MAP3K9: variants seen among roughly 807,000 people sequenced by gnomAD.
The protein encoded by MAP3K9 is mixed lineage kinase 1 (tyr and ser/thr specificity).
Under a neutral mutation model 95.8 loss-of-function variants are expected in MAP3K9, and 46 were observed. The observed-to-expected ratio is 0.48, with a 90% confidence interval of 0.38 to 0.61. The LOEUF (loss-of-function observed/expected upper bound fraction) is 0.61, where lower values mean the gene tolerates loss of function less well. MAP3K9 is among the 20% of genes least tolerant of loss of function. The pLI, the probability that MAP3K9 is intolerant of heterozygous loss-of-function variation, is 0.00. For synonymous variants in MAP3K9, 533 were observed against 593.8 expected, an observed-to-expected ratio of 0.90 and a Z score of 1.49; for missense variants, 1,296 against 1,474.3, an observed-to-expected ratio of 0.88 and a Z score of 1.98.
At chr14:70,738,142 GCAAT>G in intron 8 of MAP3K9, 99 bp downstream of exon 8, 1 of 1,214,428 alleles carries the variant, frequency 8.2e-7, no homozygotes, top group Non-Finnish European at 1.1e-6. Context: ...TTCTCAGAAA[GCAAT>G]CAAACACACG....
rs192363421 is a variant in MAP3K9 at position 70,751,154 on chromosome 14, T to C, written c.1002-1073A>G. 3.2e-3 allele frequency among the ~76,000 whole-genome samples: 488 copies of C among 152,328 alleles called. 6 individuals carry two copies. Among genetic ancestry groups the C allele is most frequent in the South Asian group, 3.9e-3 (19 of 4,824 alleles). The stretch of plus-strand genomic sequence containing the variant: ...AGAACTTCAGTGTGCCCTCCCTATC[T>C]TTCAAGTCCACATAAAGAATTTCTT... On this transcript the variant is annotated intron_variant, in intron 3 of 11. Transcript: ENST00000554752.
intron 3 of MAP3K9, among the ~76,000 whole-genome samples, chr14:70,757,565 A>G (rs1254555389): frequency 6.6e-6 from 1 of 152,230 alleles, no homozygotes; most frequent in Non-Finnish European, 1.5e-5. Context: ...AATTACCCTA[A>G]GATTCATTAA....
intron 11 of MAP3K9, among the ~76,000 whole-genome samples, chr14:70,732,200 C>A (rs540914840): frequency 6.6e-6 from 1 of 152,198 alleles, no homozygotes; most frequent in South Asian, 2.1e-4. Flanking sequence ...CAGGGAATAA[C>A]TAGAAGCTAG....
At chr14:70,765,735 T>TAAAAAAAAAAAAAACAAAAAAAAAAAA (rs1566749862) in intron 2 of MAP3K9, among the ~76,000 whole-genome samples, 1 of 122,340 alleles carries the variant, frequency 8.2e-6, no homozygotes, top group Non-Finnish European at 1.7e-5. Flanking sequence ...CAACAACAGC[T>TAAAAAAAAAAAAAACAAAAAAAAAAAA]AAAAAAAAAA....
chr14:70,730,330 C>T lies in MAP3K9; in HGVS notation c.*50G>A, dbSNP rs756456203. On this transcript the variant is annotated 3_prime_UTR_variant, in exon 12 of 12. Transcript: ENST00000554752. ...TGAGAAAGGGCTGTGCCCGCCAGCT[C>T]CCCTCATCTCCGCTGGCTGTCCCCC... 40 of 1,564,308 alleles carry T rather than the reference C, an allele frequency of 2.6e-5. No homozygotes were observed. Among genetic ancestry groups the T allele is most frequent in the South Asian group, 1.2e-4 (10 of 83,590 alleles).
At chr14:70,731,374 A>C (rs1460824042) in intron 11 of MAP3K9, among the ~76,000 whole-genome samples, 2 of 152,142 alleles carry the variant, frequency 1.3e-5, no homozygotes, top group East Asian at 3.9e-4. Flanking sequence ...ACTTGAGCCC[A>C]GGAGGTTGAG....
rs763794847 is a variant in MAP3K9, at chr14:70,808,825, G to C, written c.347C>G (p.Ala116Gly). 4 of 1,596,724 alleles carry C rather than the reference G, an allele frequency of 2.5e-6. No homozygotes were observed. In the African/African-American group the frequency reaches 5.4e-5, roughly 22 times the overall value. The change falls in exon 1 of 12, where the codon GCC (alanine) becomes GGC (glycine). Residue 116 changes from alanine (A) to glycine (G), a missense_variant. Around this residue, in one of 5 missense-constraint regions of MAP3K9, gnomAD observed 338 missense variants for 363.4 expected, o/e 0.93. Transcript: ENST00000554752. Reference protein sequence around the residue: ...FPSNYVTPRSAFSSRCQPGGE... With the variant: ...FPSNYVTPRSGFSSRCQPGGE... ...GCCGGGCTGGCAGCGGCTGGAGAAG[G>C]CGCTGCGCGGGGTCACGTAGTTGCT...
intron 2 of MAP3K9, among the ~76,000 whole-genome samples, chr14:70,786,287 T>C (rs2054743706): frequency 6.6e-6 from 1 of 152,154 alleles, no homozygotes; most frequent in African/African-American, 2.4e-5. Flanking sequence ...AACAACTCTC[T>C]ATCACACAAC....
intron 2 of MAP3K9, among the ~76,000 whole-genome samples, chr14:70,798,474 T>TTTTTTTG (rs1282135440): frequency 8.0e-6 from 1 of 125,114 alleles, no homozygotes; most frequent in Non-Finnish European, 1.7e-5. Flanking sequence ...ACCAAAAGTT[T>TTTTTTTG]TTTTTTTTTT....
Position 70,735,955 on chromosome 14 carries a change from A to T in MAP3K9, c.1913+6T>A. ...CAGCTGGTGAAAGGGTGAAGATGAGACTCACCCCAAGTGGAAATGTGGAGA... is the reference window on the plus strand; with the variant it reads ...CAGCTGGTGAAAGGGTGAAGATGAGTCTCACCCCAAGTGGAAATGTGGAGA... On this transcript the variant is annotated splice_donor_region_variant and intron_variant, in intron 9 of 11. Coordinates refer to ENST00000554752, the MANE Select transcript of MAP3K9 (RefSeq NM_001284230.2). The T allele has an allele frequency of 6.2e-7, 1 of 1,603,474 alleles. No homozygotes were observed. Among genetic ancestry groups the T allele is most frequent in the Non-Finnish European group, 8.5e-7 (1 of 1,170,382 alleles).
At position 70,730,558 on chromosome 14, in the gene MAP3K9, C is replaced by T. The variant is rs758833277; in HGVS notation, c.3137G>A (p.Arg1046Gln). Reference protein sequence around the residue: ...FASSSSTVEERPGLPALLPFQ... With the variant: ...FASSSSTVEEQPGLPALLPFQ... ...CGGGAGCAGGGCTGGAAGTCCAGGC[C>T]GCTCCTCTACAGTGCTGCTACTGCT... Residue 1046 changes from arginine to glutamine, a missense_variant, in exon 12 of 12, where the codon CGG becomes CAG. Physicochemically the swap from Arg to Gln is conservative, Grantham distance 43. Coordinates refer to ENST00000554752, the MANE Select transcript of MAP3K9 (RefSeq NM_001284230.2). 1.4e-5 allele frequency: 23 copies of T among 1,613,856 alleles called. No individual in the cohort carries two copies. The highest frequency in any genetic ancestry group is 3.3e-5 in the Admixed American group (2 of 60,012).
chr14:70,744,958 C>T (rs530895755), intron 5 of MAP3K9, among the ~76,000 whole-genome samples: 9 of 152,272 alleles, frequency 5.9e-5, no homozygotes, highest in African/African-American at 1.4e-4. Context: ...TTTATCCTTA[C>T]GCATGAGTTC....
chr14:70,779,177 C>T (rs1412370530), intron 2 of MAP3K9, among the ~76,000 whole-genome samples: 2 of 152,320 alleles, frequency 1.3e-5, no homozygotes, highest in East Asian at 3.9e-4. Flanking sequence ...CAGTGAAGGG[C>T]TGGGGCAGGA....
At position 70,727,376 on chromosome 14, in the gene MAP3K9, C is replaced by T. The variant is rs549651166; in HGVS notation, c.*3004G>A. The stretch of plus-strand genomic sequence containing the variant: ...GAATCAGCGGTAGGAGCTGAAGAAT[C>T]CAAGAAGCAGGGGCAGAGAGCAGTA... On this transcript the variant is annotated 3_prime_UTR_variant, in exon 12 of 12. Coordinates refer to ENST00000554752, the MANE Select transcript of MAP3K9 (RefSeq NM_001284230.2). The T allele has an allele frequency of 6.6e-6, 1 of 152,372 alleles. No homozygotes were observed. Among genetic ancestry groups the T allele is most frequent in the South Asian group, 2.1e-4 (1 of 4,818 alleles). 9.4% of individuals were successfully genotyped at this position (152,372 alleles called of 1,614,324 possible).
chr14:70,766,106 A>G (rs1436567099), intron 2 of MAP3K9, among the ~76,000 whole-genome samples: 1 of 152,072 alleles, frequency 6.6e-6, no homozygotes, highest in Admixed American at 6.5e-5. Context: ...AAGCAGAAGA[A>G]TGGTGGTGCC....
intron 2 of MAP3K9, among the ~76,000 whole-genome samples, chr14:70,798,334 A>G (rs1227420230): frequency 1.3e-5 from 2 of 152,238 alleles, no homozygotes; most frequent in African/African-American, 4.8e-5. Flanking sequence ...GTAACTTTAC[A>G]GTACTTTGCC....
rs563853687 is a variant in MAP3K9 at position 70,808,821 on chromosome 14, G to A, written c.351C>T (p.Phe117=). 1.4e-4 allele frequency: 224 copies of A among 1,597,254 alleles called. No individual in the cohort carries two copies. Among genetic ancestry groups the A allele is most frequent in the Admixed American group, 2.4e-4 (14 of 58,000 alleles). Residue 117 remains phenylalanine, a synonymous_variant, in exon 1 of 12, where the codon TTC becomes TTT. Coordinates refer to ENST00000554752, the MANE Select transcript of MAP3K9 (RefSeq NM_001284230.2). ...CGCCGCCGGGCTGGCAGCGGCTGGA[G>A]AAGGCGCTGCGCGGGGTCACGTAGT... The part of the protein sequence containing the change: ...PSNYVTPRSA[F]SSRCQPGGED...
chr14:70,732,525 G>A lies in MAP3K9; in HGVS notation c.2830+14C>T. On this transcript the variant is annotated intron_variant, in intron 11 of 11. Transcript: ENST00000554752. ...GCACAAAGAAAGGAAAGAGAAAAGA[G>A]GAAGAAGACTCACCTGCTCCAGGAC... The A allele has an allele frequency of 1.3e-6, 2 of 1,527,180 alleles. No homozygotes were observed. Among genetic ancestry groups the A allele is most frequent in the South Asian group, 2.6e-5 (2 of 77,002 alleles). 94.6% of individuals were successfully genotyped at this position (1,527,180 alleles called of 1,614,324 possible).
intron 2 of MAP3K9, among the ~76,000 whole-genome samples, chr14:70,773,110 T>C (rs1203483748): frequency 2.0e-5 from 3 of 152,228 alleles, no homozygotes; most frequent in Non-Finnish European, 4.4e-5. Flanking sequence ...CAAAGATACC[T>C]TTCAGTAACC....
Sources: gnomAD v4.1 joint callset for allele counts (sites outside exome capture counted in the v4.1 genomes callset) on GRCh38, gnomAD v4.1.1 for gene constraint, gnomAD v4.1.1 regional missense constraint, MANE v1.5 for transcripts, NCBI Gene and HGNC (gene_info 2026-07-23, HGNC 2026-07-21) for gene names.